PCDH15: variants seen among roughly 807,000 people sequenced by gnomAD.
PCDH15 encodes the protein protocadherin-15.
PCDH15 carries 129 observed loss-of-function variants against 178.5 expected under a neutral mutation model. The observed-to-expected ratio is 0.72, with a 90% CI of 0.63 to 0.84. The LOEUF (loss-of-function observed/expected upper bound fraction) is 0.84, where lower values mean the gene tolerates loss of function less well. Among genes scored for constraint, PCDH15 ranks in the 40% least tolerant of loss-of-function variants. The pLI is 0.00. For missense variants in PCDH15, 2,230 were observed against 2,099.9 expected (o/e 1.06, Z -1.21); for synonymous variants, 800 against 732.0 (o/e 1.09, Z -1.50).
chr10:54,686,755 A>G (rs1458715814), intron 1 of PCDH15, among the ~76,000 whole-genome samples: 1 of 152,114 alleles, frequency 6.6e-6, no homozygotes, highest in East Asian at 1.9e-4. Context: ...CCAGTATTCT[A>G]TATGTCTGTT....
intron 1 of PCDH15, among the ~76,000 whole-genome samples, chr10:55,275,450 G>A (rs1038056511): frequency 6.6e-6 from 1 of 151,638 alleles, no homozygotes; most frequent in Non-Finnish European, 1.5e-5. Flanking sequence ...GTGTCTTCTC[G>A]ATGTGCTATG....
chr10:53,868,922 T>C (rs912635039), intron 26 of PCDH15, among the ~76,000 whole-genome samples: 2 of 152,154 alleles, frequency 1.3e-5, no homozygotes, highest in Non-Finnish European at 2.9e-5. Flanking sequence ...AGGTTCAAGC[T>C]AGCCTCACAT....
rs1039706786 is a variant in PCDH15, at chr10:54,356,805, A to C, written c.475-10321T>G. Among the ~76,000 whole-genome samples, 15 of 152,258 alleles carry C rather than the reference A, an allele frequency of 9.9e-5. 1 individual carries two copies. Among genetic ancestry groups the C allele is most frequent in the African/African-American group, 3.4e-4 (14 of 41,566 alleles). ...AAACAGGACATTAGGTAAAAAGCTT[A>C]TCCACCATGATCAAGTGGGATTCAT... On this transcript the variant is annotated intron_variant, in intron 5 of 37. Coordinates refer to ENST00000644397, the MANE Select transcript of PCDH15 (RefSeq NM_001384140.1).
intron 25 of PCDH15, among the ~76,000 whole-genome samples, chr10:53,928,916 G>T (rs2084803585): frequency 6.6e-6 from 1 of 151,936 alleles, no homozygotes; most frequent in South Asian, 2.1e-4. Flanking sequence ...CAAGAATGAA[G>T]AAAACTGTAT....
intron 3 of PCDH15, among the ~76,000 whole-genome samples, chr10:54,857,180 A>G (rs1332614735): frequency 6.6e-6 from 1 of 152,136 alleles, no homozygotes; most frequent in Non-Finnish European, 1.5e-5. Flanking sequence ...TAGAATCTGG[A>G]AAATAAGCAC....
chr10:54,956,140 G>T (rs1838478570), intron 2 of PCDH15, among the ~76,000 whole-genome samples: 2 of 151,212 alleles, frequency 1.3e-5, no homozygotes, highest in Non-Finnish European at 3.0e-5. Flanking sequence ...TGCCAGTATT[G>T]ATTGACAGGC....
intron 2 of PCDH15, among the ~76,000 whole-genome samples, chr10:55,614,906 G>A (rs1186615230): frequency 6.6e-6 from 1 of 152,098 alleles, no homozygotes; most frequent in Non-Finnish European, 1.5e-5. Context: ...TACACAAAAT[G>A]TTCTACACAA....
intron 4 of PCDH15, among the ~76,000 whole-genome samples, chr10:54,372,060 C>T (rs1539317): frequency 1 from 152,015 of 152,024 alleles, 76,003 homozygotes; most frequent in Middle Eastern, 1. Flanking sequence ...TGTAATAGAC[C>T]TTTTAAGGCA....
chr10:55,624,293 T>C (rs1292360706), intron 2 of PCDH15, among the ~76,000 whole-genome samples: 1 of 152,002 alleles, frequency 6.6e-6, no homozygotes, highest in African/African-American at 2.4e-5. Context: ...CAAAAGAGAT[T>C]ATTAGAGCTT....
intron 3 of PCDH15, among the ~76,000 whole-genome samples, chr10:54,886,004 C>T (rs185326709): frequency 2.0e-5 from 3 of 152,248 alleles, no homozygotes; most frequent in Admixed American, 1.3e-4. Context: ...CATACACAAT[C>T]TCTCTCACTG....
intron 13 of PCDH15, among the ~76,000 whole-genome samples, chr10:54,172,276 C>G (rs959271155): frequency 6.6e-6 from 1 of 151,854 alleles, no homozygotes. Context: ...CATCCTGGCT[C>G]AGAAACACCC....
rs1453779024 is a variant in PCDH15 at position 54,853,310 on chromosome 10, T to TACACAC, written c.-29+44139_-29+44140insGTGTGT. On this transcript the variant is annotated intron_variant, in intron 3 of 5. Transcript: ENST00000458638. ...GTGTGTATATATATATATATATATA[T>TACACAC]ATATATATACATACACACACATATA... is the stretch of plus-strand genomic sequence containing the variant. 1.8e-4 allele frequency among the ~76,000 whole-genome samples: 18 copies of TACACAC among 99,164 alleles called. 1 individual carries two copies. The highest frequency in any genetic ancestry group is 7.1e-4 in the African/African-American group (16 of 22,398). 65.1% of individuals were successfully genotyped at this position (99,164 alleles called of 152,430 possible). A position where few individuals can be genotyped will look rare whatever the true frequency, so the allele number is the denominator to read the frequency against.
At chr10:54,958,586 A>G (rs1295293572) in intron 2 of PCDH15, among the ~76,000 whole-genome samples, 1 of 151,878 alleles carries the variant, frequency 6.6e-6, no homozygotes, top group Non-Finnish European at 1.5e-5. Flanking sequence ...TTAGAAATGG[A>G]ATCTAAACTC....
chr10:54,920,545 A>G (rs1032371355), intron 2 of PCDH15, among the ~76,000 whole-genome samples: 1 of 150,742 alleles, frequency 6.6e-6, no homozygotes. Flanking sequence ...TGACTGTGGC[A>G]TTCCTAAGAA....
chr10:54,444,322 T>C (rs185479102), intron 3 of PCDH15, among the ~76,000 whole-genome samples: 3 of 151,784 alleles, frequency 2.0e-5, no homozygotes, highest in East Asian at 1.9e-4. Flanking sequence ...TCACATAGAC[T>C]ATAGTGTGCA....
chr10:55,454,621 C>A (rs1486366105), intron 2 of PCDH15, among the ~76,000 whole-genome samples: 27 of 137,576 alleles, frequency 2.0e-4, no homozygotes, highest in Admixed American at 3.7e-4. Context: ...ACTAAAAATG[C>A]AAAAAAAAAA....
chr10:55,584,722 A>G (rs1056325760), intron 2 of PCDH15, among the ~76,000 whole-genome samples: 2 of 151,450 alleles, frequency 1.3e-5, no homozygotes, highest in African/African-American at 4.8e-5. Flanking sequence ...TCATCTCTAA[A>G]ATAGATACAA....
chr10:54,095,674 A>T (rs1012113868), intron 15 of PCDH15, among the ~76,000 whole-genome samples: 1 of 152,158 alleles, frequency 6.6e-6, no homozygotes, highest in Non-Finnish European at 1.5e-5. Context: ...TAGTGTTGAA[A>T]ATAAATGGCA....
At chr10:55,326,565 T>TA (rs899628120) in intron 2 of PCDH15, among the ~76,000 whole-genome samples, 6 of 151,612 alleles carry the variant, frequency 4.0e-5, no homozygotes, top group Admixed American at 2.0e-4. Flanking sequence ...GACAGAATAT[T>TA]AAAAAAAATG....
Sources: allele counts gnomAD v4.1 joint callset (sites outside exome capture counted in the v4.1 genomes callset), GRCh38; gene constraint gnomAD v4.1.1; transcripts MANE v1.5; gene names NCBI Gene and HGNC (gene_info 2026-07-23, HGNC 2026-07-21).